The following SPARCL1 variants were observed in gnomAD, a reference collection of about 807,000 sequenced individuals.
SPARCL1 encodes SPARC like 1.
Under a neutral mutation model 67.1 loss-of-function variants are expected in SPARCL1, and 52 were observed. The ratio of observed to expected loss-of-function variants is 0.78; its 90% CI spans 0.62 to 0.98. The LOEUF (loss-of-function observed/expected upper bound fraction) is 0.98, where lower values mean the gene tolerates loss of function less well. Among genes scored for constraint, SPARCL1 ranks in the 50% least tolerant of loss-of-function variants. SPARCL1 has a pLI of 0.00. For missense variants in SPARCL1, 717 were observed against 782.4 expected (o/e 0.92, Z 1.00); for synonymous variants, 226 against 267.8 (o/e 0.84, Z 1.52).
intron 2 of SPARCL1, among the ~76,000 whole-genome samples, chr4:87,495,801 G>A (rs1358500990): frequency 1.3e-5 from 2 of 152,068 alleles, no homozygotes; most frequent in Non-Finnish European, 2.9e-5. Context: ...TGTGGTGGTG[G>A]GTGCCTGTAA....
chr4:87,512,730 G>C (rs955035343), intron 1 of SPARCL1, among the ~76,000 whole-genome samples: 1 of 152,144 alleles, frequency 6.6e-6, no homozygotes, highest in Non-Finnish European at 1.5e-5. Flanking sequence ...CAAATACAGG[G>C]ATGTGATTTT....
In SPARCL1 at chr4:87,508,773, A is replaced by G. The variant is rs537667026; in HGVS notation, c.-11-9188T>C. Among the ~76,000 whole-genome samples, 16 of 138,962 alleles carry G rather than the reference A, an allele frequency of 1.2e-4. No individual in the cohort carries two copies. The East Asian group carries it at 3.4e-3, about 30-fold the overall frequency. The allele number at this position is 138,962 out of a possible 152,430, so 91.2% of individuals were successfully genotyped here. ...GGGAATTATGAGACAGGAACCGTGG[A>G]TGAAACATATGTGTGTGTGTGTGTG... is the stretch of plus-strand genomic sequence containing the variant. On this transcript the variant is annotated intron_variant, in intron 1 of 10. Transcript: ENST00000282470.
chr4:87,485,050 G>A lies in SPARCL1; in HGVS notation c.1532-2490C>T, dbSNP rs901372536. On this transcript the variant is annotated intron_variant, in intron 7 of 10. Transcript: ENST00000282470. Reference sequence around the variant, plus strand: ...ACTTCCTGTCTTCCTATTTGAATACGCTTTATTTCTTTCTCTTGCCTGACT... The same window carrying A: ...ACTTCCTGTCTTCCTATTTGAATACACTTTATTTCTTTCTCTTGCCTGACT... Among the ~76,000 whole-genome samples, 6 of 151,458 alleles carry A rather than the reference G, an allele frequency of 4.0e-5. No homozygotes were observed. In the South Asian group the frequency reaches 6.3e-4, roughly 16 times the overall value.
intron 1 of SPARCL1, among the ~76,000 whole-genome samples, chr4:87,510,452 G>A (rs1227591498): frequency 6.6e-6 from 1 of 151,958 alleles, no homozygotes; most frequent in Non-Finnish European, 1.5e-5. Context: ...AACTACCTAC[G>A]GCCTGCCCCG....
intron 1 of SPARCL1, among the ~76,000 whole-genome samples, chr4:87,505,185 A>G (rs1441268036): frequency 6.6e-6 from 1 of 152,210 alleles, no homozygotes; most frequent in Non-Finnish European, 1.5e-5. Flanking sequence ...AGTGAGACCT[A>G]GATGATCCTC....
chr4:87,491,953 C>G (rs1309383229), intron 4 of SPARCL1, among the ~76,000 whole-genome samples: 647 of 44,200 alleles, frequency 0.015, 8 homozygotes, highest in African/African-American at 0.094. Flanking sequence ...CACCCCCCCC[C>G]CCAAAAAAAA....
chr4:87,489,954 T>C (rs1275513921), intron 7 of SPARCL1, among the ~76,000 whole-genome samples: 1 of 152,164 alleles, frequency 6.6e-6, no homozygotes, highest in Admixed American at 6.5e-5. Context: ...TGTAGCAAAA[T>C]TCCAGTGATT....
rs755380578 is a variant in SPARCL1, at chr4:87,490,348, A to C, written c.1456T>G (p.Phe486Val). 15 of 1,613,426 alleles carry C rather than the reference A, an allele frequency of 9.3e-6. No homozygotes were observed. The South Asian group carries it at 1.4e-4, about 15-fold the overall frequency. The change falls in exon 7 of 11, where the codon TTC becomes GTC. Residue 486 changes from phenylalanine to valine, a missense_variant. Physicochemically the swap from Phe to Val is conservative, Grantham distance 50. Coordinates refer to ENST00000282470, the MANE Select transcript of SPARCL1 (RefSeq NM_004684.6). ...NQTYASSCHL[F>V]ATKCRLEGTK... ...CCCTCCAGTCTGCATTTAGTAGCGA[A>C]TAGATGACAGGAACTAGCATAGGTC...
intron 10 of SPARCL1, among the ~76,000 whole-genome samples, chr4:87,474,743 CTTTT>C (rs11397474): frequency 2.3e-5 from 3 of 130,710 alleles, no homozygotes; most frequent in African/African-American, 3.0e-5. Flanking sequence ...CTCTCTCTCT[CTTTT>C]TTTTTTTTTT....
At chr4:87,485,019 A>C (rs1393170597) in intron 7 of SPARCL1, among the ~76,000 whole-genome samples, 2 of 151,972 alleles carry the variant, frequency 1.3e-5, no homozygotes, top group Non-Finnish European at 2.9e-5. Context: ...AAACAGGGAC[A>C]ATTTGACTTC....
rs541058849 is a variant in SPARCL1, at chr4:87,477,890, G to C, written c.1966+1540C>G. Among the ~76,000 whole-genome samples, 8 of 152,230 alleles carry C rather than the reference G, an allele frequency of 5.3e-5. No homozygotes were observed. In the South Asian group the frequency reaches 1.7e-3, roughly 32 times the overall value. Reference sequence around the variant, plus strand: ...ATAGACAACTAATACACAGAACTAGGTACTTACAAAAATATACATCCTTTC... The same window carrying C: ...ATAGACAACTAATACACAGAACTAGCTACTTACAAAAATATACATCCTTTC... On this transcript the variant is annotated intron_variant, in intron 10 of 10. Transcript: ENST00000282470.
At chr4:87,488,924 T>G (rs1480280923) in intron 7 of SPARCL1, among the ~76,000 whole-genome samples, 1 of 135,990 alleles carries the variant, frequency 7.4e-6, no homozygotes, top group African/African-American at 3.7e-5. Flanking sequence ...TCAGTAATGG[T>G]GGATGCCCCT....
At position 87,494,202 on chromosome 4, in the gene SPARCL1, C is replaced by T. The variant is rs149468610; in HGVS notation, c.598G>A (p.Gly200Arg). 2.0e-5 allele frequency: 32 copies of T among 1,613,956 alleles called. No homozygotes were observed. Among genetic ancestry groups the T allele is most frequent in the African/African-American group, 2.7e-5 (2 of 74,896 alleles). Residue 200 changes from glycine to arginine, a missense_variant, in exon 4 of 11, where the codon GGA (glycine) becomes AGA (arginine). Coordinates refer to ENST00000282470, the MANE Select transcript of SPARCL1 (RefSeq NM_004684.6). ...NQEQDPNISN[G>R]EEEEEKEPGE... ...GGCTCTTTTTCTTCTTCCTCTTCTC[C>T]ATTGGAAATATTTGGATCCTGCTCT...
chr4:87,505,990 G>T (rs1478805171), intron 1 of SPARCL1, among the ~76,000 whole-genome samples: 1 of 152,084 alleles, frequency 6.6e-6, no homozygotes, highest in Non-Finnish European at 1.5e-5. Flanking sequence ...ATTCTTTGTT[G>T]TGGGGGGCTG....
intron 1 of SPARCL1, among the ~76,000 whole-genome samples, chr4:87,507,940 A>G (rs1725170649): frequency 6.6e-6 from 1 of 152,262 alleles, no homozygotes; most frequent in African/African-American, 2.4e-5. Flanking sequence ...ACAAAAAGAT[A>G]CAAGTGAAGA....
intron 1 of SPARCL1, among the ~76,000 whole-genome samples, chr4:87,512,365 C>A (rs1406709391): frequency 6.6e-6 from 1 of 152,020 alleles, no homozygotes; most frequent in East Asian, 1.9e-4. Context: ...CAATGATGAC[C>A]CCCAGTAAAC....
At chr4:87,491,997 G>A (rs1159106838) in intron 4 of SPARCL1, among the ~76,000 whole-genome samples, 1 of 147,564 alleles carries the variant, frequency 6.8e-6, no homozygotes, top group African/African-American at 2.5e-5. Context: ...GCATGCCTGT[G>A]GTCCCGGTTA....
chr4:87,511,607 T>C (rs889333733), intron 1 of SPARCL1, among the ~76,000 whole-genome samples: 1 of 152,112 alleles, frequency 6.6e-6, no homozygotes, highest in Non-Finnish European at 1.5e-5. Context: ...GAGCTAAAGA[T>C]ACAAACAGTG....
At chr4:87,483,421 C>T (rs1043990596) in intron 7 of SPARCL1, among the ~76,000 whole-genome samples, 1 of 152,034 alleles carries the variant, frequency 6.6e-6, no homozygotes, top group Non-Finnish European at 1.5e-5. Context: ...TGAACTTATC[C>T]TTTTTTATGG....
Sources: gnomAD v4.1 joint callset for allele counts (sites outside exome capture counted in the v4.1 genomes callset) on GRCh38, gnomAD v4.1.1 for gene constraint, MANE v1.5 for transcripts, NCBI Gene and HGNC (gene_info 2026-07-23, HGNC 2026-07-21) for gene names.